MTA1: variants seen among roughly 807,000 people sequenced by gnomAD.
The protein encoded by MTA1 is metastasis-associated protein MTA1.
Under a neutral mutation model 97.0 loss-of-function variants are expected in MTA1, and 15 were observed. The ratio of observed to expected loss-of-function variants is 0.15; its 90% CI spans 0.10 to 0.24. MTA1 has a LOEUF of 0.24. Among genes scored for constraint, MTA1 ranks in the 10% least tolerant of loss-of-function variants. The pLI is 1.00. For missense variants in MTA1, 709 were observed against 1,015.1 expected (o/e 0.70, Z 4.10); for synonymous variants, 435 against 417.5 (o/e 1.04, Z -0.51).
chr14:105,460,705 G>A (rs1427461285), intron 9 of MTA1, 60 bp from the exon 10 acceptor site: 30 of 1,479,096 alleles, frequency 2.0e-5, no homozygotes, highest in Admixed American at 1.6e-4. Context: ...AGGGGGTACC[G>A]TGCCACAGGT....
intron 4 of MTA1, among the ~76,000 whole-genome samples, chr14:105,449,800 A>G (rs2082852671): frequency 6.6e-6 from 1 of 152,066 alleles, no homozygotes; most frequent in Non-Finnish European, 1.5e-5. Context: ...TTCCATCTTC[A>G]TGCCCTGGGG....
chr14:105,469,375 CA>C, intron 18 of MTA1, 91 bp from the exon 19 acceptor site: 1 of 1,417,030 alleles, frequency 7.1e-7, no homozygotes, highest in Non-Finnish European at 1.0e-6. Context: ...GGCCCCGGCC[CA>C]TTGTCCCAAG....
chr14:105,457,311 C>T (rs972833691), intron 7 of MTA1, among the ~76,000 whole-genome samples: 4 of 152,198 alleles, frequency 2.6e-5, no homozygotes, highest in Admixed American at 1.3e-4. Flanking sequence ...TGTTTTTTGG[C>T]GAGTAAAAGG....
chr14:105,470,079 T>C lies in MTA1; in HGVS notation c.2012T>C (p.Leu671Pro). 1 of 1,612,604 alleles carries C rather than the reference T, an allele frequency of 6.2e-7. No homozygotes were observed. The highest frequency in any genetic ancestry group is 8.5e-7 in the Non-Finnish European group (1 of 1,179,868). ...TCTGCCCACAGGAAGATCCGCAAGCTGCTCTCATCCTCGGAAACCAAGCGT... is the reference window on the plus strand; with the variant it reads ...TCTGCCCACAGGAAGATCCGCAAGCCGCTCTCATCCTCGGAAACCAAGCGT... ...ATEETRKIRKLLSSSETKRAA... is the reference protein window; with the variant it reads ...ATEETRKIRKPLSSSETKRAA... Residue 671 changes from leucine (L) to proline (P), a missense_variant, in exon 21 of 21, where the codon CTG becomes CCG. Leu to Pro is a moderately conservative substitution (Grantham distance 98, BLOSUM62 -3). This residue lies in a region of MTA1 where 388 missense variants were observed against 421.6 expected (regional missense o/e 0.92). Transcript: ENST00000331320.
At chr14:105,432,557 C>T (rs746132274) in intron 1 of MTA1, among the ~76,000 whole-genome samples, 6 of 152,100 alleles carry the variant, frequency 3.9e-5, no homozygotes, top group South Asian at 4.1e-4. Context: ...GAAAAAGCGC[C>T]GAAATTGGAA....
chr14:105,450,451 G>C lies in MTA1; in HGVS notation c.432+127G>C, dbSNP rs1007115316. On this transcript the variant is annotated intron_variant, in intron 6 of 20. Transcript: ENST00000331320. ...CTCCCTCTAGGCCCAGGCTGTTCTGGGGGGAAGCGGGGATTGCGTCCTGAC... is the reference window on the plus strand; with the variant it reads ...CTCCCTCTAGGCCCAGGCTGTTCTGCGGGGAAGCGGGGATTGCGTCCTGAC... 49 of 1,094,710 alleles carry C rather than the reference G, an allele frequency of 4.5e-5. No individual in the cohort carries two copies. The African/African-American group carries it at 7.0e-4, about 16-fold the overall frequency. 67.8% of individuals were successfully genotyped at this position (1,094,710 alleles called of 1,614,324 possible).
At chr14:105,426,068 G>A (rs1555422169) in intron 1 of MTA1, among the ~76,000 whole-genome samples, 16 of 152,118 alleles carry the variant, frequency 1.1e-4, no homozygotes. Context: ...TGAGGAGCTC[G>A]AGTGCCCGCC....
At chr14:105,464,274 C>T (rs1424976083) in intron 13 of MTA1, 127 bp downstream of exon 13, 2 of 1,396,710 alleles carry the variant, frequency 1.4e-6, no homozygotes, top group Admixed American at 4.2e-5. Flanking sequence ...GGCTGCGTCC[C>T]AGGGGTGTGG....
chr14:105,445,538 C>T (rs782802125), intron 3 of MTA1, 27 bp downstream of exon 3: 20 of 1,611,574 alleles, frequency 1.2e-5, no homozygotes, highest in Admixed American at 6.7e-5. Context: ...CTGGGGTGCC[C>T]GCCTGGCGGG....
chr14:105,449,245 C>A (rs2082828764), intron 3 of MTA1, 114 bp from the exon 4 acceptor site: 3 of 1,071,952 alleles, frequency 2.8e-6, no homozygotes, highest in South Asian at 3.4e-5. Context: ...AGGCCTGCGG[C>A]CCCCGTTCTG....
chr14:105,456,285 C>T (rs1292095455), intron 7 of MTA1, among the ~76,000 whole-genome samples: 1 of 152,264 alleles, frequency 6.6e-6, no homozygotes, highest in Non-Finnish European at 1.5e-5. Context: ...GTCAGAGGCC[C>T]TCAGCTGGCG....
chr14:105,432,042 T>A (rs587701940), intron 1 of MTA1, among the ~76,000 whole-genome samples: 8 of 152,278 alleles, frequency 5.3e-5, no homozygotes, highest in South Asian at 4.2e-4. Flanking sequence ...AAACCTTTTT[T>A]AAAGAGATAG....
At position 105,424,425 on chromosome 14, in the gene MTA1, T is replaced by C. The variant is rs1179096077; in HGVS notation, c.28+4362T>C. Among the ~76,000 whole-genome samples the C allele has an allele frequency of 6.6e-6, 1 of 151,780 alleles. No individual in the cohort carries two copies. ...ACTGTGTTAGCCAGTATGGTCTCGA[T>C]CTCCTGACCTTGTGACCCACCCGCC... On this transcript the variant is annotated intron_variant, in intron 1 of 20. Transcript: ENST00000331320. The surrounding 1 kb of genome is among the most constrained non-coding windows in gnomAD (Gnocchi z 4.0).
In MTA1 at chr14:105,464,477, A is replaced by G. The variant is rs947849449; in HGVS notation, c.1254A>G (p.Ala418=). The G allele has an allele frequency of 1.2e-6, 2 of 1,613,584 alleles. No individual in the cohort carries two copies. Among genetic ancestry groups the G allele is most frequent in the African/African-American group, 1.3e-5 (1 of 75,012 alleles). Reference sequence around the variant, plus strand: ...CTAACATGCAGTGTCGTCTCTGCGCATCTTGTTGGACATATTGGAAGAAAT... The same window carrying G: ...CTAACATGCAGTGTCGTCTCTGCGCGTCTTGTTGGACATATTGGAAGAAAT... ...GPPNMQCRLC[A]SCWTYWKKYG... is the part of the protein sequence containing the mutation. The change falls in exon 14 of 21, where the codon GCA becomes GCG. Residue 418 remains alanine (A), a synonymous_variant. Coordinates refer to ENST00000331320, the MANE Select transcript of MTA1 (RefSeq NM_004689.4).
At chr14:105,466,299 C>CGG (rs1555432768) in intron 16 of MTA1, 127 bp from the exon 17 acceptor site, 18 of 832,952 alleles carry the variant, frequency 2.2e-5, no homozygotes, top group Non-Finnish European at 3.1e-5. Context: ...GATGGGGCCT[C>CGG]GGGTGGGGGC....
rs782402258 is a variant in MTA1, at chr14:105,450,015, T to C, written c.242-43T>C. The C allele has an allele frequency of 1.9e-6, 3 of 1,612,198 alleles. No individual in the cohort carries two copies. In the African/African-American group the frequency reaches 4.0e-5, roughly 22 times the overall value. On this transcript the variant is annotated intron_variant, in intron 4 of 20. Coordinates refer to ENST00000331320, the MANE Select transcript of MTA1 (RefSeq NM_004689.4). ...GGTGGGGTGGGCCTTGGTCTGGCAGTGTGCGTCTGCCGCGGTGCTGACAGG... is the reference window on the plus strand; with the variant it reads ...GGTGGGGTGGGCCTTGGTCTGGCAGCGTGCGTCTGCCGCGGTGCTGACAGG...
intron 1 of MTA1, among the ~76,000 whole-genome samples, chr14:105,421,629 C>T (rs1343968337): frequency 3.3e-5 from 5 of 152,220 alleles, no homozygotes; most frequent in South Asian, 2.1e-4. Context: ...GTGATCTTGG[C>T]GCCAGCCTGG....
chr14:105,449,926 C>T lies in MTA1; in HGVS notation c.242-132C>T, dbSNP rs73362030. The T allele has an allele frequency of 1.2e-4, 155 of 1,332,488 alleles. No individual in the cohort carries two copies. In the African/African-American group the frequency reaches 1.4e-3, roughly 12 times the overall value. 82.5% of individuals were successfully genotyped at this position (1,332,488 alleles called of 1,614,324 possible). On this transcript the variant is annotated intron_variant, in intron 4 of 20. Coordinates refer to ENST00000331320, the MANE Select transcript of MTA1 (RefSeq NM_004689.4). Reference sequence around the variant, plus strand: ...TAGGGTGGGGCAGTGGGACAGTGTCCGGCAGCAGGAGGAGGCACGCCTCCC... The same window carrying T: ...TAGGGTGGGGCAGTGGGACAGTGTCTGGCAGCAGGAGGAGGCACGCCTCCC...
chr14:105,439,053 G>A (rs1251690790), intron 2 of MTA1, among the ~76,000 whole-genome samples: 1 of 152,118 alleles, frequency 6.6e-6, no homozygotes. Context: ...CGAGCGGAAT[G>A]GTGTGATTCT....
Sources: gnomAD v4.1 joint callset for allele counts (sites outside exome capture counted in the v4.1 genomes callset) on GRCh38, gnomAD v4.1.1 for gene constraint, gnomAD v4.1.1 regional missense constraint, Gnocchi (gnomAD v3.1) non-coding constraint, MANE v1.5 for transcripts, NCBI Gene and HGNC (gene_info 2026-07-23, HGNC 2026-07-21) for gene names.